SPAG16: variants seen among roughly 807,000 people sequenced by gnomAD.
SPAG16 encodes sperm associated antigen 16, also known as sperm-associated antigen 16 protein.
SPAG16 carries 86 observed loss-of-function variants against 80.4 expected under a neutral mutation model. That is an observed-to-expected ratio of 1.07 (90% CI 0.90 to 1.28). The LOEUF (loss-of-function observed/expected upper bound fraction) is 1.28. SPAG16 is among the 50% of genes most tolerant of loss of function. The pLI, the probability that SPAG16 is intolerant of heterozygous loss-of-function variation, is 0.00. For missense variants in SPAG16, 870 were observed against 765.3 expected (o/e 1.14, Z -1.61); for synonymous variants, 294 against 265.9 (o/e 1.11, Z -1.03).
At chr2:213,931,429 A>G (rs1048335090) in intron 12 of SPAG16, among the ~76,000 whole-genome samples, 1 of 152,158 alleles carries the variant, frequency 6.6e-6, no homozygotes, top group African/African-American at 2.4e-5. Context: ...ATTCTTTATT[A>G]TATTTCTATA....
intron 10 of SPAG16, among the ~76,000 whole-genome samples, chr2:213,559,866 A>G (rs2059547911): frequency 6.6e-6 from 1 of 152,088 alleles, no homozygotes; most frequent in African/African-American, 2.4e-5. Flanking sequence ...TTAATGATTG[A>G]CAATCAATAT....
chr2:213,563,695 T>C (rs1297994216), intron 10 of SPAG16, among the ~76,000 whole-genome samples: 2 of 152,226 alleles, frequency 1.3e-5, no homozygotes, highest in African/African-American at 4.8e-5. Flanking sequence ...AGTTTCAACA[T>C]GTGAATTTTG....
intron 15 of SPAG16, among the ~76,000 whole-genome samples, chr2:214,196,032 AG>A (rs1300702102): frequency 6.6e-6 from 1 of 151,998 alleles, no homozygotes; most frequent in Non-Finnish European, 1.5e-5. Context: ...AAGTGTAAAA[AG>A]TTACCAGAAC....
chr2:213,448,675 T>C (rs944581115), intron 9 of SPAG16, among the ~76,000 whole-genome samples: 19 of 152,228 alleles, frequency 1.2e-4, no homozygotes, highest in African/African-American at 4.3e-4. Flanking sequence ...GGAACATAAA[T>C]TGTGAAGATT....
intron 9 of SPAG16, among the ~76,000 whole-genome samples, chr2:213,396,140 A>G (rs1374534579): frequency 6.6e-6 from 1 of 152,148 alleles, no homozygotes; most frequent in African/African-American, 2.4e-5. Flanking sequence ...TCACCTTACT[A>G]TTATTCTTCT....
chr2:214,088,795 CA>C (rs1331236333), intron 13 of SPAG16, among the ~76,000 whole-genome samples: 1 of 151,808 alleles, frequency 6.6e-6, no homozygotes, highest in Non-Finnish European at 1.5e-5. Flanking sequence ...TTAAGTGACC[CA>C]ATAATGCCAA....
intron 15 of SPAG16, among the ~76,000 whole-genome samples, chr2:214,269,245 T>G (rs1691814220): frequency 6.6e-6 from 1 of 151,984 alleles, no homozygotes; most frequent in Non-Finnish European, 1.5e-5. Context: ...GTTTAAAAAT[T>G]TTTGTTTTAA....
intron 15 of SPAG16, among the ~76,000 whole-genome samples, chr2:214,250,432 A>G (rs539791593): frequency 6.6e-6 from 1 of 151,438 alleles, no homozygotes; most frequent in South Asian, 2.1e-4. Flanking sequence ...AGCAAAATGA[A>G]TGAATTCACA....
At chr2:213,587,613 T>C (rs1413045012) in intron 10 of SPAG16, among the ~76,000 whole-genome samples, 1 of 151,990 alleles carries the variant, frequency 6.6e-6, no homozygotes, top group African/African-American at 2.4e-5. Context: ...AATAGTCACT[T>C]GGCCACACCT....
chr2:213,777,119 A>G (rs2069638860), intron 10 of SPAG16, among the ~76,000 whole-genome samples: 1 of 152,044 alleles, frequency 6.6e-6, no homozygotes, highest in Non-Finnish European at 1.5e-5. Context: ...ATATCATTTG[A>G]AAAATATTTC....
intron 15 of SPAG16, among the ~76,000 whole-genome samples, chr2:214,338,056 A>G (rs1356174105): frequency 6.6e-6 from 1 of 152,222 alleles, no homozygotes; most frequent in Non-Finnish European, 1.5e-5. Flanking sequence ...TATCCACTTT[A>G]AAAATTATAT....
rs182790030 is a variant in SPAG16, at chr2:214,118,077, T to A, written c.1593+9816T>A. On this transcript the variant is annotated intron_variant, in intron 14 of 15. Transcript: ENST00000331683. Reference sequence around the variant, plus strand: ...AAGACAAATTGTCTCTTTTTACAGATGATATGATCTTATATAGAGAAAACT... The same window carrying A: ...AAGACAAATTGTCTCTTTTTACAGAAGATATGATCTTATATAGAGAAAACT... Among the ~76,000 whole-genome samples the A allele has an allele frequency of 1.1e-4, 17 of 152,300 alleles. No individual in the cohort carries two copies. In the East Asian group the frequency reaches 1.7e-3, roughly 16 times the overall value.
At chr2:214,402,144 C>T (rs1701745406) in intron 15 of SPAG16, among the ~76,000 whole-genome samples, 1 of 151,930 alleles carries the variant, frequency 6.6e-6, no homozygotes, top group Non-Finnish European at 1.5e-5. Flanking sequence ...ATTCCTCTAA[C>T]AAAAAATCAA....
intron 15 of SPAG16, among the ~76,000 whole-genome samples, chr2:214,315,103 G>T (rs1695586696): frequency 6.6e-6 from 1 of 152,062 alleles, no homozygotes; most frequent in Admixed American, 6.6e-5. Context: ...TAGCAAGAGA[G>T]GAATTAACAG....
At chr2:213,292,675 ACAAAAAAAACAAAAAAAAAC>A (rs1285670335) in intron 1 of SPAG16, among the ~76,000 whole-genome samples, 1,848 of 125,816 alleles carry the variant, frequency 0.015, 168 homozygotes, top group African/African-American at 0.047. Context: ...AAAAAAAAAA[ACAAAAAAAACAAAAAAAAAC>A]AAAACTATCA....
intron 12 of SPAG16, among the ~76,000 whole-genome samples, chr2:213,954,841 G>A (rs2044039018): frequency 6.6e-6 from 1 of 152,012 alleles, no homozygotes; most frequent in African/African-American, 2.4e-5. Flanking sequence ...AAAATATTAT[G>A]ATTATTATAG....
At chr2:213,299,263 T>C (rs1343012689) in intron 3 of SPAG16, among the ~76,000 whole-genome samples, 3 of 152,074 alleles carry the variant, frequency 2.0e-5, no homozygotes, top group African/African-American at 4.8e-5. Flanking sequence ...TTGCGACTTA[T>C]TGAATAGTTG....
intron 15 of SPAG16, among the ~76,000 whole-genome samples, chr2:214,299,017 C>T (rs954086901): frequency 6.6e-6 from 1 of 151,960 alleles, no homozygotes; most frequent in African/African-American, 2.4e-5. Context: ...ATTATAAGCC[C>T]TATTAACAGA....
At chr2:213,906,539 A>G (rs1365437569) in intron 11 of SPAG16, among the ~76,000 whole-genome samples, 2 of 152,210 alleles carry the variant, frequency 1.3e-5, no homozygotes, top group Non-Finnish European at 2.9e-5. Flanking sequence ...GAGAACACAA[A>G]AGAGCCTAAA....
Sources: gnomAD v4.1 joint callset for allele counts (sites outside exome capture counted in the v4.1 genomes callset) on GRCh38, gnomAD v4.1.1 for gene constraint, MANE v1.5 for transcripts, NCBI Gene and HGNC (gene_info 2026-07-23, HGNC 2026-07-21) for gene names.